The following ZNF385D variants were observed in gnomAD, a reference collection of about 807,000 sequenced individuals.
The protein encoded by ZNF385D is zinc finger protein 659.
Under a neutral mutation model 35.8 loss-of-function variants are expected in ZNF385D, and 15 were observed. The observed-to-expected ratio is 0.42, with a 90% CI of 0.28 to 0.64. The LOEUF is 0.64. Ranked by LOEUF, ZNF385D falls within the 30% of genes least tolerant of loss-of-function variation. ZNF385D has a pLI of 0.23. For missense variants in ZNF385D, 474 were observed against 494.6 expected (o/e 0.96, Z 0.39); for synonymous variants, 212 against 186.8 (o/e 1.13, Z -1.10).
intron 1 of ZNF385D, among the ~76,000 whole-genome samples, chr3:21,686,378 A>G (rs374507963): frequency 6.6e-6 from 1 of 152,208 alleles, no homozygotes; most frequent in Non-Finnish European, 1.5e-5. Context: ...TTGTAAAAAA[A>G]TAACCATTTG....
chr3:21,828,791 G>A (rs1359746724), intron 3 of ZNF385D, among the ~76,000 whole-genome samples: 1 of 152,148 alleles, frequency 6.6e-6, no homozygotes, highest in Admixed American at 6.5e-5. Flanking sequence ...TACTGGCAAG[G>A]CTGGTTTTTC....
intron 2 of ZNF385D, among the ~76,000 whole-genome samples, chr3:21,602,427 G>A (rs1160946824): frequency 1.3e-5 from 2 of 151,560 alleles, no homozygotes; most frequent in African/African-American, 2.4e-5. Context: ...CTTATTTTAC[G>A]GGAAATGCAG....
intron 3 of ZNF385D, among the ~76,000 whole-genome samples, chr3:22,038,685 TAAAC>T (rs1023813353): frequency 6.6e-6 from 1 of 152,044 alleles, no homozygotes; most frequent in African/African-American, 2.4e-5. Context: ...TTGGATCTAA[TAAAC>T]AAAAAGTTAA....
intron 3 of ZNF385D, among the ~76,000 whole-genome samples, chr3:22,005,480 C>T (rs2125423932): frequency 6.6e-6 from 1 of 152,028 alleles, no homozygotes; most frequent in African/African-American, 2.4e-5. Flanking sequence ...TTTTAAATAG[C>T]TATAAGAAAA....
intron 2 of ZNF385D, among the ~76,000 whole-genome samples, chr3:22,332,867 A>C (rs922688802): frequency 1.1e-4 from 17 of 151,960 alleles, no homozygotes; most frequent in African/African-American, 3.9e-4. Context: ...AGTAGTTATT[A>C]TATTTATAAA....
chr3:21,827,683 C>G (rs768809584), intron 3 of ZNF385D, among the ~76,000 whole-genome samples: 1 of 152,062 alleles, frequency 6.6e-6, no homozygotes, highest in East Asian at 1.9e-4. Flanking sequence ...TGAAGCATTA[C>G]AAGGAGTCTT....
At chr3:21,768,322 G>A (rs186840939) in intron 3 of ZNF385D, among the ~76,000 whole-genome samples, 1 of 152,126 alleles carries the variant, frequency 6.6e-6, no homozygotes, top group East Asian at 1.9e-4. Context: ...TATATTTAAA[G>A]TAATTACATT....
intron 3 of ZNF385D, among the ~76,000 whole-genome samples, chr3:21,798,461 G>T (rs1423370871): frequency 6.6e-6 from 1 of 152,112 alleles, no homozygotes; most frequent in African/African-American, 2.4e-5. Flanking sequence ...CTTACCATTG[G>T]TCCCCTTTTC....
intron 1 of ZNF385D, among the ~76,000 whole-genome samples, chr3:21,689,713 A>T (rs2067221550): frequency 6.6e-6 from 1 of 152,110 alleles, no homozygotes; most frequent in Non-Finnish European, 1.5e-5. Context: ...ACATCATCAG[A>T]AACACCTGTA....
At chr3:21,872,633 T>G (rs1383708048) in intron 3 of ZNF385D, among the ~76,000 whole-genome samples, 1 of 152,132 alleles carries the variant, frequency 6.6e-6, no homozygotes, top group East Asian at 1.9e-4. Context: ...ACTATTTAGA[T>G]GCTGAGACCA....
At chr3:22,235,487 T>C (rs551472381) in intron 2 of ZNF385D, among the ~76,000 whole-genome samples, 1 of 152,166 alleles carries the variant, frequency 6.6e-6, no homozygotes, top group Non-Finnish European at 1.5e-5. Context: ...CTTCAGTGTG[T>C]CCAAAATACC....
chr3:21,763,141 G>A (rs1438211177), intron 3 of ZNF385D, among the ~76,000 whole-genome samples: 3 of 152,120 alleles, frequency 2.0e-5, no homozygotes, highest in Non-Finnish European at 2.9e-5. Context: ...GGACAGTTTA[G>A]AGAAAAAAAT....
intron 2 of ZNF385D, among the ~76,000 whole-genome samples, chr3:22,251,561 G>A (rs922284925): frequency 1.3e-5 from 2 of 151,992 alleles, no homozygotes; most frequent in Non-Finnish European, 2.9e-5. Context: ...TGACATTTTG[G>A]TGGAGGGCTG....
At chr3:22,276,633 A>T (rs1405363345) in intron 2 of ZNF385D, among the ~76,000 whole-genome samples, 1 of 152,168 alleles carries the variant, frequency 6.6e-6, no homozygotes, top group African/African-American at 2.4e-5. Context: ...GAAACAAATC[A>T]CTGTAAAATA....
intron 3 of ZNF385D, among the ~76,000 whole-genome samples, chr3:21,541,157 T>C (rs1450885523): frequency 6.6e-6 from 1 of 152,220 alleles, no homozygotes; most frequent in African/African-American, 2.4e-5. Context: ...TCTAGCAACG[T>C]AATCCAAATG....
chr3:21,682,774 G>A (rs1441617257), intron 1 of ZNF385D, among the ~76,000 whole-genome samples: 2 of 149,172 alleles, frequency 1.3e-5, no homozygotes, highest in African/African-American at 5.0e-5. Flanking sequence ...TAATATTTAA[G>A]CTTTGTGAGC....
intron 3 of ZNF385D, among the ~76,000 whole-genome samples, chr3:22,115,284 G>C (rs781153607): frequency 3.3e-5 from 5 of 152,078 alleles, no homozygotes; most frequent in African/African-American, 4.8e-5. Flanking sequence ...AATTGAAACA[G>C]AGACTTTGCC....
intron 1 of ZNF385D, among the ~76,000 whole-genome samples, chr3:21,708,406 G>A (rs1238444888): frequency 6.6e-6 from 1 of 152,136 alleles, no homozygotes; most frequent in Admixed American, 6.5e-5. Context: ...GAAGAAATAG[G>A]ATTTAAACTC....
At chr3:21,910,287 T>C (rs902309643) in intron 3 of ZNF385D, among the ~76,000 whole-genome samples, 6 of 152,072 alleles carry the variant, frequency 3.9e-5, no homozygotes, top group East Asian at 1.9e-4. Flanking sequence ...ATTATATAGG[T>C]TGCATATGTT....
Sources: allele counts gnomAD v4.1 joint callset (sites outside exome capture counted in the v4.1 genomes callset), GRCh38; gene constraint gnomAD v4.1.1; transcripts MANE v1.5; gene names NCBI Gene and HGNC (gene_info 2026-07-23, HGNC 2026-07-21).